The following PTPRN2 variants were observed in gnomAD, a reference collection of about 807,000 sequenced individuals.
PTPRN2 encodes the protein protein tyrosine phosphatase receptor type N2, also known as receptor-type tyrosine-protein phosphatase N2.
In PTPRN2, 74 loss-of-function variants were observed where a neutral mutation model predicts 118.8. The observed-to-expected ratio is 0.62, with a 90% CI of 0.52 to 0.76. PTPRN2 has a LOEUF of 0.76. Ranked by LOEUF, PTPRN2 falls within the 30% of genes least tolerant of loss-of-function variation. PTPRN2 has a pLI of 0.00. For synonymous variants in PTPRN2, 641 were observed against 608.0 expected (o/e 1.05, Z -0.80); for missense variants, 1,481 against 1,394.4 (o/e 1.06, Z -0.99).
intron 11 of PTPRN2, among the ~76,000 whole-genome samples, chr7:158,032,390 G>C (rs1355478686): frequency 6.6e-6 from 1 of 152,082 alleles, no homozygotes. Flanking sequence ...TGCTGCATTT[G>C]GGGCAAGTTC....
chr7:158,252,360 T>TCG (rs1233663517), intron 3 of PTPRN2, among the ~76,000 whole-genome samples: 1 of 152,102 alleles, frequency 6.6e-6, no homozygotes, highest in Non-Finnish European at 1.5e-5. Context: ...GTGAGTGGTG[T>TCG]CACCGTTCGG....
chr7:158,416,139 C>T (rs1039521561), intron 2 of PTPRN2, among the ~76,000 whole-genome samples: 2 of 152,220 alleles, frequency 1.3e-5, no homozygotes, highest in Non-Finnish European at 2.9e-5. Flanking sequence ...ATACTTTCCA[C>T]ACAGGTGCCT....
rs925866233 is a variant in PTPRN2, at chr7:157,801,998, G to T, written c.1788+96675C>A. Reference sequence around the variant, plus strand: ...TTTTCTGGCTTGTGGCACCTGGCTGGACTTCTCGGCGTGCAGCTCCTTCGT... The same window carrying T: ...TTTTCTGGCTTGTGGCACCTGGCTGTACTTCTCGGCGTGCAGCTCCTTCGT... On this transcript the variant is annotated intron_variant, in intron 12 of 22. Transcript: ENST00000389418. The surrounding 1 kb of genome is among the most constrained non-coding windows in gnomAD (Gnocchi z 4.2). Among the ~76,000 whole-genome samples, 1 of 152,328 alleles carries T rather than the reference G, an allele frequency of 6.6e-6. No individual in the cohort carries two copies. The highest frequency in any genetic ancestry group is 6.5e-5 in the Admixed American group (1 of 15,296).
chr7:157,972,260 G>GT (rs1802390176), intron 11 of PTPRN2, among the ~76,000 whole-genome samples: 2 of 152,206 alleles, frequency 1.3e-5, no homozygotes, highest in Non-Finnish European at 2.9e-5. Flanking sequence ...GTCATTCTGT[G>GT]TTTTTTCTCC....
At chr7:158,071,504 G>T (rs1352527667) in intron 11 of PTPRN2, among the ~76,000 whole-genome samples, 12 of 140,816 alleles carry the variant, frequency 8.5e-5, no homozygotes, top group Non-Finnish European at 1.4e-4. Flanking sequence ...TGCTCCTGGT[G>T]GAGATGCTCG....
intron 12 of PTPRN2, among the ~76,000 whole-genome samples, chr7:157,842,267 C>T (rs1212993063): frequency 6.6e-6 from 1 of 152,140 alleles, no homozygotes; most frequent in Non-Finnish European, 1.5e-5. Context: ...TTTCAGCGCG[C>T]TCCAATCAGC....
intron 12 of PTPRN2, among the ~76,000 whole-genome samples, chr7:157,728,345 G>A (rs1799711651): frequency 6.6e-6 from 1 of 152,240 alleles, no homozygotes; most frequent in Non-Finnish European, 1.5e-5. Context: ...GAAGGCGCGT[G>A]AAGATCTTTC....
At chr7:158,005,238 C>T (rs1490160964) in intron 11 of PTPRN2, among the ~76,000 whole-genome samples, 1 of 151,670 alleles carries the variant, frequency 6.6e-6, no homozygotes, top group East Asian at 1.9e-4. Flanking sequence ...CCACACTTGG[C>T]GAATTTTGTA....
chr7:158,324,519 C>T (rs1027149319), intron 2 of PTPRN2, among the ~76,000 whole-genome samples: 8 of 151,886 alleles, frequency 5.3e-5, no homozygotes, highest in Non-Finnish European at 7.4e-5. Flanking sequence ...GTGGGGGCAC[C>T]CTAGGAGGGG....
chr7:158,062,995 C>T (rs1810473014), intron 11 of PTPRN2, among the ~76,000 whole-genome samples: 1 of 152,228 alleles, frequency 6.6e-6, no homozygotes, highest in Non-Finnish European at 1.5e-5. Context: ...CGCCTGCGGC[C>T]CTGGTGCAGG....
chr7:158,313,113 T>G (rs183037145), intron 3 of PTPRN2, among the ~76,000 whole-genome samples: 1 of 152,058 alleles, frequency 6.6e-6, no homozygotes, highest in Non-Finnish European at 1.5e-5. Flanking sequence ...TGCAAGTGTG[T>G]GTGCAAATGT....
At chr7:157,680,896 C>G (rs1796886344) in intron 13 of PTPRN2, among the ~76,000 whole-genome samples, 1 of 152,278 alleles carries the variant, frequency 6.6e-6, no homozygotes, top group South Asian at 2.1e-4. Context: ...CAAACCGGAG[C>G]TCATTATAAA....
At chr7:158,377,606 G>A (rs575715852) in intron 2 of PTPRN2, among the ~76,000 whole-genome samples, 28 of 152,264 alleles carry the variant, frequency 1.8e-4, no homozygotes, top group East Asian at 9.7e-4. Context: ...CAATTTTCCC[G>A]GGACTCAGCA....
intron 11 of PTPRN2, among the ~76,000 whole-genome samples, chr7:157,980,684 G>A (rs184637613): frequency 5.9e-5 from 9 of 152,262 alleles, no homozygotes; most frequent in African/African-American, 1.9e-4. Context: ...CTGGCTGGGC[G>A]GAGGTTGCAA....
intron 11 of PTPRN2, among the ~76,000 whole-genome samples, chr7:157,996,397 C>T (rs1156697489): frequency 2.0e-5 from 3 of 152,208 alleles, no homozygotes; most frequent in Non-Finnish European, 2.9e-5. Flanking sequence ...GTAGTAAGAC[C>T]GCACTTGGAC....
intron 18 of PTPRN2, 93 bp downstream of exon 18, chr7:157,577,928 T>TG (rs1190276274): frequency 1.4e-6 from 2 of 1,416,442 alleles, no homozygotes; most frequent in East Asian, 2.4e-5. Flanking sequence ...CATGCGGCCC[T>TG]GGGGGGCCCT....
intron 11 of PTPRN2, among the ~76,000 whole-genome samples, chr7:157,965,302 AAG>A (rs1801843654): frequency 6.6e-6 from 1 of 152,162 alleles, no homozygotes. Flanking sequence ...GAACACTGGC[AAG>A]AGAGTTTAGC....
chr7:158,004,432 A>T (rs1043019997), intron 11 of PTPRN2, among the ~76,000 whole-genome samples: 1 of 152,236 alleles, frequency 6.6e-6, no homozygotes, highest in Non-Finnish European at 1.5e-5. Flanking sequence ...ATTAACCAGC[A>T]TCTATTTTTA....
chr7:157,865,239 A>G (rs1810566881), intron 12 of PTPRN2: 1 of 152,252 alleles, frequency 6.6e-6, no homozygotes, highest in Non-Finnish European at 1.5e-5. Flanking sequence ...GCAGGTTGGC[A>G]CTGCCCAGCT....
Sources: gnomAD v4.1 joint callset for allele counts (sites outside exome capture counted in the v4.1 genomes callset) on GRCh38, gnomAD v4.1.1 for gene constraint, Gnocchi (gnomAD v3.1) non-coding constraint, MANE v1.5 for transcripts, NCBI Gene and HGNC (gene_info 2026-07-23, HGNC 2026-07-21) for gene names.